Variants in IRS2 observed in about 807,000 individuals in gnomAD.
IRS2 encodes insulin receptor substrate 2.
Under a neutral mutation model 70.9 loss-of-function variants are expected in IRS2, and 28 were observed. The observed-to-expected ratio is 0.39, with a 90% confidence interval of 0.29 to 0.54. The LOEUF is 0.54. Among genes scored for constraint, IRS2 ranks in the 20% least tolerant of loss-of-function variants. The pLI, the probability that IRS2 is intolerant of heterozygous loss-of-function variation, is 0.59. For missense variants in IRS2, 2,081 were observed against 2,024.1 expected (o/e 1.03, Z -0.54); for synonymous variants, 1,217 against 981.9 (o/e 1.24, Z -4.48).
intron 1 of IRS2, among the ~76,000 whole-genome samples, chr13:109,757,819 T>A (rs1470365569): frequency 6.6e-6 from 1 of 152,052 alleles, no homozygotes; most frequent in Non-Finnish European, 1.5e-5. Flanking sequence ...GTAGCTGGGA[T>A]TACAGGTACG....
chr13:109,765,245 T>C (rs1412021700), intron 1 of IRS2, among the ~76,000 whole-genome samples: 1 of 152,238 alleles, frequency 6.6e-6, no homozygotes, highest in East Asian at 1.9e-4. Context: ...GCACTATTTA[T>C]TGAAATTTCA....
In IRS2 at chr13:109,756,151, C is replaced by T. The variant is rs994638064; in HGVS notation, c.*153G>A. 1.4e-6 allele frequency: 1 copy of T among 702,870 alleles called. No individual in the cohort carries two copies. The highest frequency in any genetic ancestry group is 2.1e-5 in the Admixed American group (1 of 47,584). The allele number at this position is 702,870 out of a possible 1,614,324, so 43.5% of individuals were successfully genotyped here. On this transcript the variant is annotated 3_prime_UTR_variant, in exon 2 of 2. Transcript: ENST00000375856. Reference sequence around the variant, plus strand: ...AGGTGACCTTGCCTTGTTGGTGCCTCATCTAACAGAGTCCACAGATGTTTC... The same window carrying T: ...AGGTGACCTTGCCTTGTTGGTGCCTTATCTAACAGAGTCCACAGATGTTTC...
At position 109,785,853 on chromosome 13, in the gene IRS2, C is replaced by A. The variant is rs768064040; in HGVS notation, c.201G>T (p.Ala67=). 35 of 1,518,158 alleles carry A rather than the reference C, an allele frequency of 2.3e-5. 2 individuals carry two copies. In the African/African-American group the frequency reaches 4.6e-4, roughly 20 times the overall value. The allele number at this position is 1,518,158 out of a possible 1,614,324, so 94.0% of individuals were successfully genotyped here. A position where few individuals can be genotyped will look rare whatever the true frequency, so the allele number is the denominator to read the frequency against. ...AGTACTCGAGCCGCGGCGGTTGCGG[C>A]GCCGACCCCCCGCCCGCCGTCGCCT... The part of the protein sequence containing the change: ...GDEATAGGGS[A]PQPPRLEYYE... Residue 67 remains alanine (A), a synonymous_variant, in exon 1 of 2, where the codon GCG becomes GCT. Transcript: ENST00000375856. This position sits in a 1 kb window ranked among gnomAD's most constrained non-coding sequence, Gnocchi z 9.3.
Position 109,784,247 on chromosome 13 carries a change from C to T in IRS2, c.1807G>A (p.Ala603Thr), listed in dbSNP as rs2138935254. The T allele has an allele frequency of 6.3e-7, 1 of 1,577,386 alleles. No homozygotes were observed. Among genetic ancestry groups the T allele is most frequent in the Non-Finnish European group, 8.6e-7 (1 of 1,160,126 alleles). The change falls in exon 1 of 2, where the codon GCC becomes ACC. Residue 603 changes from alanine to threonine, a missense_variant. Around this residue, in one of 4 missense-constraint regions of IRS2, gnomAD observed 1,615 missense variants for 1,459.5 expected, o/e 1.11. Coordinates refer to ENST00000375856, the MANE Select transcript of IRS2 (RefSeq NM_003749.3). This position sits in a 1 kb window ranked among gnomAD's most constrained non-coding sequence, Gnocchi z 5.2. ...ASLDEYTLMR[A>T]TFSGSAGRLC... is the part of the protein sequence containing the mutation. Reference sequence around the variant, plus strand: ...CGGCCCGCGCTGCCCGAGAAGGTGGCCCGCATCAGGGTGTATTCATCCAGC... The same window carrying T: ...CGGCCCGCGCTGCCCGAGAAGGTGGTCCGCATCAGGGTGTATTCATCCAGC...
intron 1 of IRS2, among the ~76,000 whole-genome samples, chr13:109,776,370 A>C (rs901077807): frequency 2.6e-5 from 4 of 152,220 alleles, no homozygotes; most frequent in Non-Finnish European, 5.9e-5. Flanking sequence ...TACCCATTCA[A>C]GTTTTACAGT....
intron 1 of IRS2, among the ~76,000 whole-genome samples, chr13:109,756,598 C>T (rs1289791402): frequency 6.6e-6 from 1 of 152,142 alleles, no homozygotes; most frequent in Non-Finnish European, 1.5e-5. Context: ...GTGAATCATT[C>T]TGTCGAACAA....
At chr13:109,766,118 T>A (rs564006932) in intron 1 of IRS2, among the ~76,000 whole-genome samples, 1 of 17,452 alleles carries the variant, frequency 5.7e-5, no homozygotes. Flanking sequence ...CCCAGCCTCA[T>A]CCACCTTGGC....
rs34025950 is a variant in IRS2 at position 109,776,148 on chromosome 13, C to CAA, written c.4012+5892_4012+5893dup. ...TGAGTGATAGAGTGAGACTCCGTCT[C>CAA]AAAAAAAAAAAAAGAAAAAAACCCA... On this transcript the variant is annotated intron_variant, in intron 1 of 1. Coordinates refer to ENST00000375856, the MANE Select transcript of IRS2 (RefSeq NM_003749.3). Among the ~76,000 whole-genome samples the CAA allele has an allele frequency of 8.1e-3, 894 of 110,772 alleles. 36 individuals are homozygous for CAA. The highest frequency in any genetic ancestry group is 0.072 in the Admixed American group (794 of 11,078). 72.7% of individuals were successfully genotyped at this position (110,772 alleles called of 152,430 possible). A position where few individuals can be genotyped will look rare whatever the true frequency, so the allele number is the denominator to read the frequency against.
rs1877089956 is a variant in IRS2, at chr13:109,755,623, A to G, written c.*681T>C. Reference sequence around the variant, plus strand: ...ATTATTATTTAGTAATCCGTCTTCAAAGTCCAATCCCAAATTTCACTTCCA... The same window carrying G: ...ATTATTATTTAGTAATCCGTCTTCAGAGTCCAATCCCAAATTTCACTTCCA... On this transcript the variant is annotated 3_prime_UTR_variant, in exon 2 of 2. Transcript: ENST00000375856. The G allele has an allele frequency of 4.9e-6, 1 of 203,320 alleles. No individual in the cohort carries two copies. Among genetic ancestry groups the G allele is most frequent in the Non-Finnish European group, 1.0e-5 (1 of 99,082 alleles). 12.6% of individuals were successfully genotyped at this position (203,320 alleles called of 1,614,324 possible).
intron 1 of IRS2, among the ~76,000 whole-genome samples, chr13:109,758,830 A>C (rs1263334581): frequency 2.7e-4 from 3 of 11,314 alleles, no homozygotes; most frequent in African/African-American, 3.4e-4. Flanking sequence ...GATGGCTGAC[A>C]AAAAAAAAAA....
At chr13:109,780,712 T>G (rs1045470438) in intron 1 of IRS2, among the ~76,000 whole-genome samples, 1 of 152,254 alleles carries the variant, frequency 6.6e-6, no homozygotes, top group Non-Finnish European at 1.5e-5. Context: ...CCTTGAAGAC[T>G]GTTTACACCT....
In IRS2 at chr13:109,783,861, C is replaced by G. The variant is rs1243067016; in HGVS notation, c.2193G>C (p.Ser731=). The G allele has an allele frequency of 1.9e-5, 29 of 1,556,220 alleles. No homozygotes were observed. The highest frequency in any genetic ancestry group is 2.5e-5 in the Non-Finnish European group (29 of 1,150,524). The stretch of plus-strand genomic sequence containing the variant: ...TGTCCTCGGGGGAGCTCTCGGCGGG[C>G]GAGCTGGCCTTGTAGCCGCCCCCGC... ...PASGGGYKAS[S]PAESSPEDSG... Residue 731 remains serine, a synonymous_variant, in exon 1 of 2, where the codon TCG becomes TCC. Transcript: ENST00000375856.
In IRS2 at chr13:109,756,101, C is replaced by A; in HGVS notation, c.*203G>T. 1.8e-6 allele frequency: 1 copy of A among 562,668 alleles called. No homozygotes were observed. The highest frequency in any genetic ancestry group is 2.9e-5 in the Admixed American group (1 of 34,524). 34.9% of individuals were successfully genotyped at this position (562,668 alleles called of 1,614,324 possible). A position where few individuals can be genotyped will look rare whatever the true frequency, so the allele number is the denominator to read the frequency against. On this transcript the variant is annotated 3_prime_UTR_variant, in exon 2 of 2. Transcript: ENST00000375856. ...CGCAAACAGCACAATGATGAATGCC[C>A]CATCCGGGAACAAGGGAAAGAGGCA...
chr13:109,759,801 A>G (rs1179662189), intron 1 of IRS2, among the ~76,000 whole-genome samples: 1 of 152,026 alleles, frequency 6.6e-6, no homozygotes, highest in Non-Finnish European at 1.5e-5. Flanking sequence ...ACCAAACACC[A>G]AGAGCTGGTG....
In IRS2 at chr13:109,756,194, C is replaced by G; in HGVS notation, c.*110G>C. 1.1e-6 allele frequency: 1 copy of G among 946,830 alleles called. No homozygotes were observed. The highest frequency in any genetic ancestry group is 1.8e-5 in the Admixed American group (1 of 56,514). 58.7% of individuals were successfully genotyped at this position (946,830 alleles called of 1,614,324 possible). On this transcript the variant is annotated 3_prime_UTR_variant, in exon 2 of 2. Coordinates refer to ENST00000375856, the MANE Select transcript of IRS2 (RefSeq NM_003749.3). The stretch of plus-strand genomic sequence containing the variant: ...GATGTTTCCAAACACAGTCATTGCT[C>G]AGATCCAAAAGAAAACTGCAAGCAG...
rs1877855150 is a variant in IRS2 at position 109,784,641 on chromosome 13, A to G, written c.1413T>C (p.His471=). 7.7e-7 allele frequency: 1 copy of G among 1,292,626 alleles called. No individual in the cohort carries two copies. Among genetic ancestry groups the G allele is most frequent in the Non-Finnish European group, 9.8e-7 (1 of 1,023,876 alleles). The allele number at this position is 1,292,626 out of a possible 1,614,324, so 80.1% of individuals were successfully genotyped here. A position where few individuals can be genotyped will look rare whatever the true frequency, so the allele number is the denominator to read the frequency against. Residue 471 remains histidine, a synonymous_variant, in exon 1 of 2, where the codon CAT becomes CAC. Transcript: ENST00000375856. This position sits in a 1 kb window ranked among gnomAD's most constrained non-coding sequence, Gnocchi z 5.2. The stretch of plus-strand genomic sequence containing the variant: ...GCTGGCCGGGGCCGTGGTGCAGCGG[A>G]TGCGGCAGAGGCGGGTGCGGGCCGG... ...PPPGPHPPLP[H]PLHHGPGQRP... is the part of the protein sequence containing the mutation.
intron 1 of IRS2, among the ~76,000 whole-genome samples, chr13:109,758,491 GA>G (rs1163406480): frequency 3.3e-5 from 5 of 151,938 alleles, no homozygotes; most frequent in East Asian, 3.9e-4. Context: ...AATTATTGCT[GA>G]AAAAAATTAC....
At chr13:109,761,395 C>T (rs1252742197) in intron 1 of IRS2, among the ~76,000 whole-genome samples, 10 of 152,152 alleles carry the variant, frequency 6.6e-5, no homozygotes, top group South Asian at 2.1e-4. Flanking sequence ...AATGTGATTC[C>T]GAAAGCAAGG....
rs756959264 is a variant in IRS2 at position 109,782,783 on chromosome 13, G to A, written c.3271C>T (p.Pro1091Ser). 7 of 1,603,500 alleles carry A rather than the reference G, an allele frequency of 4.4e-6. No individual in the cohort carries two copies. The highest frequency in any genetic ancestry group is 6.0e-6 in the Non-Finnish European group (7 of 1,176,058). Residue 1091 changes from proline (P) to serine (S), a missense_variant, in exon 1 of 2, where the codon CCG becomes TCG. This residue lies in a region of IRS2 where 1,615 missense variants were observed against 1,459.5 expected (regional missense o/e 1.11). Coordinates refer to ENST00000375856, the MANE Select transcript of IRS2 (RefSeq NM_003749.3). Reference sequence around the variant, plus strand: ...GCCACGCGGGCAGCTTCTGGCTTCGGGGGGGCCGCGATAGGTTGCGGCGGG... The same window carrying A: ...GCCACGCGGGCAGCTTCTGGCTTCGAGGGGGCCGCGATAGGTTGCGGCGGG... ...ATPPQPIAAP[P>S]KPEAARVASP...
Sources: gnomAD v4.1 joint callset for allele counts (sites outside exome capture counted in the v4.1 genomes callset) on GRCh38, gnomAD v4.1.1 for gene constraint, gnomAD v4.1.1 regional missense constraint, Gnocchi (gnomAD v3.1) non-coding constraint, MANE v1.5 for transcripts, NCBI Gene and HGNC (gene_info 2026-07-23, HGNC 2026-07-21) for gene names.